MED13L: variants seen among roughly 807,000 people sequenced by gnomAD.
MED13L encodes the protein mediator complex subunit 13L.
In MED13L, 7 loss-of-function variants were observed where a neutral mutation model predicts 220.9. The ratio of observed to expected loss-of-function variants is 0.03; its 90% confidence interval spans 0.02 to 0.06. The LOEUF (loss-of-function observed/expected upper bound fraction) is 0.06. Among genes scored for constraint, MED13L ranks in the 10% least tolerant of loss-of-function variants. The pLI, the probability that MED13L is intolerant of heterozygous loss-of-function variation, is 1.00. For missense variants in MED13L, 1,965 were observed against 2,760.5 expected (o/e 0.71, Z 6.46); for synonymous variants, 1,011 against 1,015.2 (o/e 1.00, Z 0.08).
chr12:116,178,279 C>T (rs755836306), intron 2 of MED13L, among the ~76,000 whole-genome samples: 56 of 152,282 alleles, frequency 3.7e-4, no homozygotes, highest in Non-Finnish European at 6.9e-4. Flanking sequence ...CAACCAAAGA[C>T]TGGTAAAAGT....
At chr12:116,258,897 T>C (rs1181301081) in intron 1 of MED13L, among the ~76,000 whole-genome samples, 1 of 149,344 alleles carries the variant, frequency 6.7e-6, no homozygotes, top group Non-Finnish European at 1.5e-5. Context: ...AATCCAAAAA[T>C]TGAAAATTTA....
chr12:116,008,719 C>T lies in MED13L; in HGVS notation c.1694G>A (p.Gly565Asp). 1.2e-6 allele frequency: 2 copies of T among 1,614,022 alleles called. No homozygotes were observed. The change falls in exon 10 of 31, where the codon GGT (glycine) becomes GAT (aspartate). Residue 565 changes from glycine to aspartate, a missense_variant. Gly to Asp is a moderately conservative substitution (Grantham distance 94). Around this residue, in one of 10 missense-constraint regions of MED13L, gnomAD observed 818 missense variants for 1,041.2 expected, o/e 0.79. Transcript: ENST00000281928. ...TGGGTCCAAACTCTCTGTTTCCTGACCTCGTGGCTGAGGGCTGAGTGTTGG... is the reference window on the plus strand; with the variant it reads ...TGGGTCCAAACTCTCTGTTTCCTGATCTCGTGGCTGAGGGCTGAGTGTTGG... ...LPPTLSPQPR[G>D]QETESLDPPS...
At chr12:116,154,641 C>T (rs1236027131) in intron 2 of MED13L, among the ~76,000 whole-genome samples, 1 of 152,068 alleles carries the variant, frequency 6.6e-6, no homozygotes, top group Non-Finnish European at 1.5e-5. Context: ...GCTTACGAGA[C>T]ACATTAGTAA....
chr12:116,086,377 G>A (rs563358509), intron 4 of MED13L, among the ~76,000 whole-genome samples: 7 of 150,964 alleles, frequency 4.6e-5, no homozygotes, highest in South Asian at 4.2e-4. Context: ...TCCGCCTCCC[G>A]GGTTCAAGCG....
chr12:116,243,679 C>T (rs1870846592), intron 1 of MED13L, among the ~76,000 whole-genome samples: 1 of 151,764 alleles, frequency 6.6e-6, no homozygotes, highest in Admixed American at 6.6e-5. Flanking sequence ...AAACCACATT[C>T]AGTGGTCAAG....
intron 4 of MED13L, among the ~76,000 whole-genome samples, chr12:116,062,636 C>T (rs925728576): frequency 2.6e-5 from 4 of 152,006 alleles, no homozygotes; most frequent in Admixed American, 6.5e-5. Context: ...TATAGGCATG[C>T]GCCACCACAC....
chr12:116,232,228 T>C, intron 2 of MED13L: 1 of 663,122 alleles, frequency 1.5e-6, no homozygotes, highest in Non-Finnish European at 1.9e-6. Context: ...AATCTACCCC[T>C]GCACTGACAA....
Position 115,958,947 on chromosome 12 carries a change from T to C in MED13L, c.*2319A>G, listed in dbSNP as rs1285881964. ...ACCCTTTTCCCCTCCCCATTTCCCC[T>C]TTTTTTGTTCAAACCATGGTAAGAG... On this transcript the variant is annotated 3_prime_UTR_variant, in exon 31 of 31. Transcript: ENST00000281928. 1.3e-5 allele frequency: 2 copies of C among 148,974 alleles called. No homozygotes were observed. Among genetic ancestry groups the C allele is most frequent in the African/African-American group, 4.9e-5 (2 of 41,134 alleles). The allele number at this position is 148,974 out of a possible 1,614,324, so 9.2% of individuals were successfully genotyped here. A position where few individuals can be genotyped will look rare whatever the true frequency, so the allele number is the denominator to read the frequency against.
chr12:116,110,445 T>C (rs530277956), intron 3 of MED13L, among the ~76,000 whole-genome samples: 11 of 151,964 alleles, frequency 7.2e-5, no homozygotes, highest in Admixed American at 5.9e-4. Flanking sequence ...TGCCAACTAA[T>C]AAAAAGTAGA....
At chr12:116,050,605 T>G (rs1400475899) in intron 4 of MED13L, among the ~76,000 whole-genome samples, 1 of 152,098 alleles carries the variant, frequency 6.6e-6, no homozygotes, top group Non-Finnish European at 1.5e-5. Context: ...GCTCTACGTA[T>G]AAGTATCAAG....
At chr12:116,155,194 C>A (rs749683902) in intron 2 of MED13L, among the ~76,000 whole-genome samples, 27 of 152,088 alleles carry the variant, frequency 1.8e-4, no homozygotes, top group Admixed American at 6.6e-4. Context: ...GAGGCCAAGG[C>A]GGGAGGATTA....
At chr12:116,164,151 A>G (rs1337482994) in intron 2 of MED13L, among the ~76,000 whole-genome samples, 1 of 152,208 alleles carries the variant, frequency 6.6e-6, no homozygotes, top group East Asian at 1.9e-4. Context: ...CAAGCACAGT[A>G]TTTCATCATA....
At chr12:116,113,810 AG>A (rs1254203403) in intron 2 of MED13L, among the ~76,000 whole-genome samples, 3 of 31,108 alleles carry the variant, frequency 9.6e-5, no homozygotes, top group Non-Finnish European at 1.1e-4. Flanking sequence ...GAGGGGAGGG[AG>A]GGGGGAAGAG....
chr12:116,131,634 T>C (rs909913065), intron 2 of MED13L, among the ~76,000 whole-genome samples: 5 of 152,208 alleles, frequency 3.3e-5, no homozygotes, highest in African/African-American at 1.2e-4. Context: ...CATTTATGTA[T>C]ATACATATGT....
intron 9 of MED13L, among the ~76,000 whole-genome samples, chr12:116,012,361 G>T (rs1365810862): frequency 6.6e-6 from 1 of 152,140 alleles, no homozygotes; most frequent in African/African-American, 2.4e-5. Context: ...TAGCAGTTGT[G>T]ACCAAATACC....
chr12:116,241,079 C>T (rs1230530416), intron 1 of MED13L, among the ~76,000 whole-genome samples: 2 of 151,410 alleles, frequency 1.3e-5, no homozygotes, highest in Admixed American at 6.6e-5. Context: ...GAGGCAGAGG[C>T]GGGCGGATCA....
chr12:116,075,791 G>C (rs1440519296), intron 4 of MED13L, among the ~76,000 whole-genome samples: 1 of 152,154 alleles, frequency 6.6e-6, no homozygotes, highest in South Asian at 2.1e-4. Context: ...AGAAGCTATA[G>C]TGGCACCAGA....
rs962675832 is a variant in MED13L, at chr12:115,993,396, T to G, written c.2997-1439A>C. Among the ~76,000 whole-genome samples the G allele has an allele frequency of 5.0e-4, 76 of 152,190 alleles. 1 individual carries two copies. The highest frequency in any genetic ancestry group is 1.8e-3 in the African/African-American group (75 of 41,444). On this transcript the variant is annotated intron_variant, in intron 16 of 30. Transcript: ENST00000281928. Reference sequence around the variant, plus strand: ...CCAATAAACTACATATTCAGTTACTTATAATGTGAAAGAAGCACGTCATAA... The same window carrying G: ...CCAATAAACTACATATTCAGTTACTGATAATGTGAAAGAAGCACGTCATAA...
At chr12:116,066,823 A>G (rs2137662914) in intron 4 of MED13L, among the ~76,000 whole-genome samples, 1 of 152,240 alleles carries the variant, frequency 6.6e-6, no homozygotes, top group Non-Finnish European at 1.5e-5. Context: ...AGAGGGCGAA[A>G]GCGGTCACAT....
Sources: allele counts gnomAD v4.1 joint callset (sites outside exome capture counted in the v4.1 genomes callset), GRCh38; gene constraint gnomAD v4.1.1; regional missense constraint gnomAD v4.1.1; transcripts MANE v1.5; gene names NCBI Gene and HGNC (gene_info 2026-07-23, HGNC 2026-07-21).